The following SMAP1 variants were observed in gnomAD, a reference collection of about 807,000 sequenced individuals.
SMAP1 encodes the protein stromal membrane-associated protein 1.
A neutral mutation model predicts 58.5 loss-of-function variants in SMAP1; 24 were observed. The observed-to-expected ratio is 0.41, with a 90% CI of 0.30 to 0.58. The LOEUF is 0.58. Among genes scored for constraint, SMAP1 ranks in the 20% least tolerant of loss-of-function variants. The probability of loss-of-function intolerance (pLI) is 0.29; values close to 1 mark genes in which losing one functional copy is unlikely to be tolerated. For synonymous variants in SMAP1, 216 were observed against 196.6 expected (o/e 1.10, Z -0.82); for missense variants, 563 against 566.3 (o/e 0.99, Z 0.06).
rs377617790 is a variant in SMAP1, at chr6:70,791,459, A to G, written c.415-230A>G. Among the ~76,000 whole-genome samples, 3 of 152,294 alleles carry G rather than the reference A, an allele frequency of 2.0e-5. No individual in the cohort carries two copies. In the East Asian group the frequency reaches 5.8e-4, roughly 29 times the overall value. ...CATTTTAAATTTTATATCCTAGTAAAATCCATTTTAAATCATATATTATTC... is the reference window on the plus strand; with the variant it reads ...CATTTTAAATTTTATATCCTAGTAAGATCCATTTTAAATCATATATTATTC... On this transcript the variant is annotated intron_variant, in intron 4 of 10. Transcript: ENST00000370455.
intron 1 of SMAP1, among the ~76,000 whole-genome samples, chr6:70,673,485 C>G (rs1766351593): frequency 6.6e-6 from 1 of 152,128 alleles, no homozygotes; most frequent in South Asian, 2.1e-4. Context: ...ACGTGTAGAG[C>G]CCATTTGATT....
rs9455234 is a variant in SMAP1, at chr6:70,813,101, T to C, written c.576+14364T>C. ...TGTTTCTAGTTCTCTTTTGGGAATG[T>C]AGATGGTATGGTTTCGTATTTTTTA... On this transcript the variant is annotated intron_variant, in intron 6 of 10. Coordinates refer to ENST00000370455, the MANE Select transcript of SMAP1 (RefSeq NM_001044305.3). 6.3e-3 allele frequency among the ~76,000 whole-genome samples: 957 copies of C among 152,284 alleles called. 6 individuals carry two copies. The highest frequency in any genetic ancestry group is 0.022 in the African/African-American group (915 of 41,570).
At chr6:70,689,207 C>G (rs1192818024) in intron 1 of SMAP1, among the ~76,000 whole-genome samples, 1 of 152,150 alleles carries the variant, frequency 6.6e-6, no homozygotes, top group African/African-American at 2.4e-5. Context: ...TGGGGTTTCA[C>G]TATGTTGGCA....
chr6:70,752,335 A>G (rs1766314443), intron 2 of SMAP1, among the ~76,000 whole-genome samples: 1 of 152,190 alleles, frequency 6.6e-6, no homozygotes, highest in African/African-American at 2.4e-5. Flanking sequence ...AAATATCAAA[A>G]TCATTGATGG....
chr6:70,809,245 A>G (rs1769283469), intron 6 of SMAP1, among the ~76,000 whole-genome samples: 1 of 152,212 alleles, frequency 6.6e-6, no homozygotes, highest in African/African-American at 2.4e-5. Context: ...ATTTCAAGAT[A>G]CGGCAAGTAT....
At chr6:70,852,511 G>C in intron 7 of SMAP1, 29 bp from the exon 8 acceptor site, 1 of 1,474,064 alleles carries the variant, frequency 6.8e-7, no homozygotes, top group Non-Finnish European at 9.0e-7. Context: ...GATATTCTAC[G>C]TTAAGACGAG....
chr6:70,733,067 A>G (rs1287339644), intron 2 of SMAP1, among the ~76,000 whole-genome samples: 3 of 152,216 alleles, frequency 2.0e-5, no homozygotes, highest in African/African-American at 7.2e-5. Flanking sequence ...TAAATTCTCA[A>G]AATCTTACTT....
chr6:70,831,526 TTC>T (rs1479740492), intron 6 of SMAP1, among the ~76,000 whole-genome samples: 2 of 152,196 alleles, frequency 1.3e-5, no homozygotes, highest in African/African-American at 4.8e-5. Context: ...GTATTTAATT[TTC>T]TGTTTTTGCA....
At chr6:70,684,334 G>A (rs938757563) in intron 1 of SMAP1, among the ~76,000 whole-genome samples, 7 of 152,108 alleles carry the variant, frequency 4.6e-5, no homozygotes, top group African/African-American at 7.2e-5. Context: ...TTGGTGAAGG[G>A]GTGAACAAAA....
At chr6:70,816,996 T>C (rs990763984) in intron 6 of SMAP1, among the ~76,000 whole-genome samples, 6 of 151,946 alleles carry the variant, frequency 3.9e-5, no homozygotes, top group African/African-American at 1.4e-4. Context: ...TTTATGGACA[T>C]TGCATTGCAT....
chr6:70,801,202 A>G (rs1768834908), intron 6 of SMAP1, among the ~76,000 whole-genome samples: 2 of 152,120 alleles, frequency 1.3e-5, no homozygotes, highest in Admixed American at 1.3e-4. Context: ...TTTTTTAATG[A>G]TCGCGATTCT....
At chr6:70,696,048 C>G (rs765181498) in intron 1 of SMAP1, among the ~76,000 whole-genome samples, 1 of 152,076 alleles carries the variant, frequency 6.6e-6, no homozygotes, top group African/African-American at 2.4e-5. Flanking sequence ...TCTAGCTTTT[C>G]CAATTTATTG....
chr6:70,763,157 T>G (rs1376877190), intron 3 of SMAP1, among the ~76,000 whole-genome samples: 1 of 134,600 alleles, frequency 7.4e-6, no homozygotes, highest in Non-Finnish European at 1.6e-5. Flanking sequence ...GGCAACCCTA[T>G]GCAAAGCAAG....
At chr6:70,828,950 G>T (rs1471807771) in intron 6 of SMAP1, among the ~76,000 whole-genome samples, 1 of 152,172 alleles carries the variant, frequency 6.6e-6, no homozygotes, top group Non-Finnish European at 1.5e-5. Flanking sequence ...GGAGGCTGAG[G>T]TAGAAGGATC....
intron 2 of SMAP1, among the ~76,000 whole-genome samples, chr6:70,733,614 G>T (rs1279727553): frequency 6.6e-6 from 1 of 152,074 alleles, no homozygotes; most frequent in Non-Finnish European, 1.5e-5. Context: ...GGACTCAAGC[G>T]ATTCTCCCAT....
intron 5 of SMAP1, among the ~76,000 whole-genome samples, chr6:70,793,367 A>G (rs1157566019): frequency 6.6e-6 from 1 of 152,110 alleles, no homozygotes; most frequent in South Asian, 2.1e-4. Flanking sequence ...TTAAGAAGGT[A>G]CAGTCTATGG....
intron 2 of SMAP1, among the ~76,000 whole-genome samples, chr6:70,751,825 A>G (rs1766290798): frequency 6.6e-6 from 1 of 152,206 alleles, no homozygotes; most frequent in Non-Finnish European, 1.5e-5. Flanking sequence ...TCAGATAGCT[A>G]GTTTATTACC....
At chr6:70,725,948 A>G (rs1055185277) in intron 1 of SMAP1, among the ~76,000 whole-genome samples, 4 of 152,346 alleles carry the variant, frequency 2.6e-5, no homozygotes, top group Admixed American at 1.3e-4. Flanking sequence ...AAAAGCTGAC[A>G]AAGTAGAGTA....
chr6:70,817,000 A>G (rs1363854567), intron 6 of SMAP1, among the ~76,000 whole-genome samples: 1 of 151,894 alleles, frequency 6.6e-6, no homozygotes, highest in Non-Finnish European at 1.5e-5. Flanking sequence ...TGGACATTGC[A>G]TTGCATCTAA....
Sources: gnomAD v4.1 joint callset for allele counts (sites outside exome capture counted in the v4.1 genomes callset) on GRCh38, gnomAD v4.1.1 for gene constraint, MANE v1.5 for transcripts, NCBI Gene and HGNC (gene_info 2026-07-23, HGNC 2026-07-21) for gene names.